Variants in BCKDHB observed in about 807,000 individuals in gnomAD.
BCKDHB encodes branched chain keto acid dehydrogenase E1 subunit beta, also known as 2-oxoisovalerate dehydrogenase subunit beta, mitochondrial.
Under a neutral mutation model 48.5 loss-of-function variants are expected in BCKDHB, and 41 were observed. The ratio of observed to expected loss-of-function variants is 0.85; its 90% CI spans 0.66 to 1.10. The LOEUF (loss-of-function observed/expected upper bound fraction) is 1.10. Ranked by LOEUF, BCKDHB falls within the 50% of genes least tolerant of loss-of-function variation. The probability of loss-of-function intolerance (pLI) is 0.00; values close to 1 mark genes in which losing one functional copy is unlikely to be tolerated. For synonymous variants in BCKDHB, 201 were observed against 174.8 expected (o/e 1.15, Z -1.18); for missense variants, 496 against 494.2 (o/e 1.00, Z -0.03).
chr6:80,298,013 TG>T (rs1447816306), intron 9 of BCKDHB, among the ~76,000 whole-genome samples: 1 of 152,176 alleles, frequency 6.6e-6, no homozygotes, highest in African/African-American at 2.4e-5. Flanking sequence ...CTGCCTCCTC[TG>T]TTTTTTTCAA....
intron 8 of BCKDHB, among the ~76,000 whole-genome samples, chr6:80,212,219 A>G (rs1002665428): frequency 6.6e-6 from 1 of 152,066 alleles, no homozygotes; most frequent in Admixed American, 6.6e-5. Flanking sequence ...GTTTTTCCCC[A>G]CCCTGATAAG....
At chr6:80,107,396 T>A (rs990435261) in intron 1 of BCKDHB, among the ~76,000 whole-genome samples, 1 of 141,738 alleles carries the variant, frequency 7.1e-6, no homozygotes, top group Non-Finnish European at 1.5e-5. Context: ...GTCCCTTGGT[T>A]TCTTCTTACA....
At chr6:80,220,276 A>G (rs1449053381) in intron 8 of BCKDHB, among the ~76,000 whole-genome samples, 1 of 98,632 alleles carries the variant, frequency 1.0e-5, no homozygotes, top group Non-Finnish European at 2.1e-5. Context: ...TCCCCCTTGT[A>G]CTCAGTTATT....
chr6:80,409,013 G>A, the BCKDHB span, among the ~76,000 whole-genome samples: 1 of 152,028 alleles, frequency 6.6e-6, no homozygotes, highest in African/African-American at 2.4e-5. Context: ...GGCATTTAGT[G>A]CTATAAATTT....
chr6:80,285,315 A>G (rs1298714924), intron 9 of BCKDHB, among the ~76,000 whole-genome samples: 1 of 152,216 alleles, frequency 6.6e-6, no homozygotes, highest in Non-Finnish European at 1.5e-5. Context: ...GTACTGCATA[A>G]ATGTTGATAA....
intron 9 of BCKDHB, among the ~76,000 whole-genome samples, chr6:80,296,070 A>G (rs747953016): frequency 1.4e-4 from 21 of 152,348 alleles, no homozygotes; most frequent in Admixed American, 3.3e-4. Flanking sequence ...TTAGTGTTCT[A>G]TTAGTTCAGT....
chr6:80,446,720 A>ATTT, the BCKDHB span, among the ~76,000 whole-genome samples: 2,371 of 111,206 alleles, frequency 0.021, 38 homozygotes, highest in East Asian at 0.048. Flanking sequence ...CTTCTGGACA[A>ATTT]TTTTTTTTTT....
In BCKDHB at chr6:80,240,255, G is replaced by A. The variant is rs146607006; in HGVS notation, c.952-32880G>A. Among the ~76,000 whole-genome samples the A allele has an allele frequency of 5.2e-3, 784 of 152,140 alleles. 8 individuals carry two copies. The highest frequency in any genetic ancestry group is 0.018 in the African/African-American group (747 of 41,504). On this transcript the variant is annotated intron_variant, in intron 8 of 9. Transcript: ENST00000320393. ...CCTTGGGCAGTATGGCCATTTTCACGATATTGATTCCTCCTATCCATGAGC... is the reference window on the plus strand; with the variant it reads ...CCTTGGGCAGTATGGCCATTTTCACAATATTGATTCCTCCTATCCATGAGC...
intron 8 of BCKDHB, among the ~76,000 whole-genome samples, chr6:80,247,304 T>A (rs1375938101): frequency 6.6e-6 from 1 of 152,340 alleles, no homozygotes; most frequent in South Asian, 2.1e-4. Context: ...GCAACAAGAT[T>A]AGTAAGAATA....
At chr6:80,272,552 G>A (rs528430068) in intron 8 of BCKDHB, among the ~76,000 whole-genome samples, 2 of 152,094 alleles carry the variant, frequency 1.3e-5, no homozygotes, top group Non-Finnish European at 2.9e-5. Flanking sequence ...TTGAGAATAC[G>A]TACTCATTGT....
At chr6:80,210,582 AT>A (rs911263112) in intron 8 of BCKDHB, among the ~76,000 whole-genome samples, 21 of 152,166 alleles carry the variant, frequency 1.4e-4, no homozygotes, top group Non-Finnish European at 2.9e-4. Flanking sequence ...CTTGAACAAA[AT>A]TTTTAAAAAA....
At chr6:80,409,716 G>A in the BCKDHB span, among the ~76,000 whole-genome samples, 2 of 148,328 alleles carry the variant, frequency 1.3e-5, no homozygotes, top group South Asian at 4.4e-4. Flanking sequence ...TTGGTTTAAA[G>A]TCTGTTTTAT....
chr6:80,240,970 A>C (rs1287016580), intron 8 of BCKDHB, among the ~76,000 whole-genome samples: 2 of 151,792 alleles, frequency 1.3e-5, no homozygotes, highest in East Asian at 3.9e-4. Context: ...TTTTTCTCTA[A>C]ACTTCTCTTC....
At chr6:80,382,182 A>G in the BCKDHB span, among the ~76,000 whole-genome samples, 1 of 152,150 alleles carries the variant, frequency 6.6e-6, no homozygotes, top group Non-Finnish European at 1.5e-5. Flanking sequence ...ATTCCTCTCA[A>G]CCATCAAATC....
the BCKDHB span, among the ~76,000 whole-genome samples, chr6:80,365,219 T>C: frequency 6.6e-6 from 1 of 152,172 alleles, no homozygotes; most frequent in Non-Finnish European, 1.5e-5. Flanking sequence ...AGGGTCTATG[T>C]TCAGTGGTGC....
At chr6:80,182,443 G>A (rs1279723328) in intron 6 of BCKDHB, among the ~76,000 whole-genome samples, 1 of 152,090 alleles carries the variant, frequency 6.6e-6, no homozygotes, top group Non-Finnish European at 1.5e-5. Context: ...TTAGCTTTAA[G>A]GTATTTACAT....
chr6:80,407,903 T>C, the BCKDHB span, among the ~76,000 whole-genome samples: 1 of 152,092 alleles, frequency 6.6e-6, no homozygotes, highest in Admixed American at 6.6e-5. Context: ...TGAATAGGAG[T>C]GTTGAGAGAG....
chr6:80,310,099 T>A (rs1168950579), intron 9 of BCKDHB, among the ~76,000 whole-genome samples: 1 of 151,888 alleles, frequency 6.6e-6, no homozygotes, highest in African/African-American at 2.4e-5. Context: ...TTTTTTTTAA[T>A]TTCCAACTTT....
chr6:80,248,515 T>C (rs1035153913), intron 8 of BCKDHB, among the ~76,000 whole-genome samples: 1 of 152,182 alleles, frequency 6.6e-6, no homozygotes, highest in Non-Finnish European at 1.5e-5. Context: ...CAAAATACAG[T>C]GGTATTGCTG....
Sources: gnomAD v4.1 joint callset for allele counts (sites outside exome capture counted in the v4.1 genomes callset) on GRCh38, gnomAD v4.1.1 for gene constraint, MANE v1.5 for transcripts, NCBI Gene and HGNC (gene_info 2026-07-23, HGNC 2026-07-21) for gene names.